The following CDH1 variants were observed in gnomAD, a reference collection of about 807,000 sequenced individuals.
CDH1 encodes cadherin-1.
Under a neutral mutation model 84.5 loss-of-function variants are expected in CDH1, and 35 were observed. The observed-to-expected ratio is 0.41, with a 90% CI of 0.32 to 0.55. The LOEUF is 0.55. Among genes scored for constraint, CDH1 ranks in the 20% least tolerant of loss-of-function variants. The probability of loss-of-function intolerance (pLI) is 0.19; values close to 1 mark genes in which losing one functional copy is unlikely to be tolerated. For missense variants in CDH1, 994 were observed against 1,126.6 expected (o/e 0.88, Z 1.68); for synonymous variants, 417 against 439.0 (o/e 0.95, Z 0.63).
chr16:68,827,348 A>G (rs994884911), intron 13 of CDH1, among the ~76,000 whole-genome samples: 12 of 146,668 alleles, frequency 8.2e-5, no homozygotes, highest in South Asian at 2.1e-4. Context: ...GCACCCATGG[A>G]TAGAAAACAC....
At chr16:68,829,362 T>G (rs1961415010) in intron 14 of CDH1, among the ~76,000 whole-genome samples, 1 of 151,798 alleles carries the variant, frequency 6.6e-6, no homozygotes. Context: ...TGGGAGGGAG[T>G]GAATATTTGC....
In CDH1 at chr16:68,829,690, G is replaced by A. The variant is rs777078601; in HGVS notation, c.2332G>A (p.Ala778Thr). 4.3e-6 allele frequency: 7 copies of A among 1,613,942 alleles called. No homozygotes were observed. Among genetic ancestry groups the A allele is most frequent in the East Asian group, 4.5e-5 (2 of 44,882 alleles). Residue 778 changes from alanine to threonine, a missense_variant, in exon 15 of 16, where the codon GCT becomes ACT. By Grantham distance (58) the Ala-to-Thr change is moderately conservative (BLOSUM62 0). Coordinates refer to ENST00000261769, the MANE Select transcript of CDH1 (RefSeq NM_004360.5). The part of the protein sequence containing the change: ...DLSQLHRGLD[A>T]RPEVTRNDVA... ...GAGCCAGCTGCACAGGGGCCTGGAC[G>A]CTCGGCCTGAAGTGACTCGTAACGA...
chr16:68,810,083 T>C, intron 5 of CDH1, 114 bp from the exon 6 acceptor site: 1 of 1,082,388 alleles, frequency 9.2e-7, no homozygotes. Context: ...ACTGGGGGTC[T>C]CAGAGCCTAG....
At chr16:68,785,747 T>TA (rs1159731661) in intron 2 of CDH1, among the ~76,000 whole-genome samples, 4 of 152,186 alleles carry the variant, frequency 2.6e-5, no homozygotes, top group Non-Finnish European at 4.4e-5. Context: ...AGCTTTTTTT[T>TA]TTTTAATAGG....
chr16:68,789,080 GT>G (rs2068564580), intron 2 of CDH1, among the ~76,000 whole-genome samples: 2 of 152,162 alleles, frequency 1.3e-5, no homozygotes, highest in Admixed American at 1.3e-4. Flanking sequence ...CTGGAGTGCA[GT>G]GGCCCGAACA....
intron 2 of CDH1, among the ~76,000 whole-genome samples, chr16:68,787,279 G>A (rs1277163659): frequency 3.9e-5 from 6 of 152,188 alleles, no homozygotes; most frequent in Admixed American, 3.9e-4. Flanking sequence ...TGGGGCGAAT[G>A]TTCCTTCAGA....
At chr16:68,751,319 C>A (rs376321730) in intron 2 of CDH1, among the ~76,000 whole-genome samples, 3 of 152,136 alleles carry the variant, frequency 2.0e-5, no homozygotes, top group African/African-American at 4.8e-5. Flanking sequence ...TGCCCAACAA[C>A]TTTGTTTCCT....
rs1354393862 is a variant in CDH1 at position 68,737,322 on chromosome 16, G to T, written c.-94G>T. ...CGTCGGAACTGCAAAGCACCTGTGA[G>T]CTTGCGGAAGTCAGTTCAGACTCCA... On this transcript the variant is annotated 5_prime_UTR_variant, in exon 1 of 16. Coordinates refer to ENST00000261769, the MANE Select transcript of CDH1 (RefSeq NM_004360.5). The T allele has an allele frequency of 1.9e-6, 2 of 1,065,044 alleles. No homozygotes were observed. The highest frequency in any genetic ancestry group is 2.3e-5 in the Admixed American group (1 of 44,022). The allele number at this position is 1,065,044 out of a possible 1,614,324, so 66.0% of individuals were successfully genotyped here.
intron 2 of CDH1, among the ~76,000 whole-genome samples, chr16:68,769,979 CTTTTTT>C (rs34018552): frequency 8.0e-6 from 1 of 125,240 alleles, no homozygotes; most frequent in Non-Finnish European, 1.7e-5. Context: ...CCGCAGCTGG[CTTTTTT>C]TTTTTTTTTT....
intron 2 of CDH1, among the ~76,000 whole-genome samples, chr16:68,770,050 G>T (rs377261189): frequency 3.3e-4 from 50 of 151,172 alleles, no homozygotes; most frequent in African/African-American, 1.2e-3. Flanking sequence ...TTGTTTTCAG[G>T]TCCAAGTCTA....
intron 14 of CDH1, 52 bp from the exon 15 acceptor site, chr16:68,829,602 A>G (rs2276327): frequency 2.5e-6 from 4 of 1,571,516 alleles, no homozygotes; most frequent in African/African-American, 1.4e-5. Flanking sequence ...CCCTGTGTGT[A>G]TGACTATTTC....
At chr16:68,794,978 C>T (rs1201664402) in intron 2 of CDH1, among the ~76,000 whole-genome samples, 1 of 152,098 alleles carries the variant, frequency 6.6e-6, no homozygotes, top group Non-Finnish European at 1.5e-5. Context: ...AGGCGTGAGC[C>T]ACCGCACCTG....
At chr16:68,769,932 C>T (rs1959509431) in intron 2 of CDH1, among the ~76,000 whole-genome samples, 1 of 150,498 alleles carries the variant, frequency 6.6e-6, no homozygotes, top group South Asian at 2.1e-4. Context: ...CTGCCCACCT[C>T]GGCCTCCCAA....
intron 2 of CDH1, among the ~76,000 whole-genome samples, chr16:68,766,173 C>A (rs924920204): frequency 1.3e-5 from 2 of 152,232 alleles, no homozygotes; most frequent in Admixed American, 6.5e-5. Flanking sequence ...GCAGGAGAAT[C>A]GCTTGAACCC....
chr16:68,832,964 AG>A lies in CDH1; in HGVS notation c.2440-325del, dbSNP rs61208884. The stretch of plus-strand genomic sequence containing the variant: ...GCAGCCTGCATGCACCAGTATGCAA[AG>A]CTTCCAGCTCTGCCCATCCCAGCTG... On this transcript the variant is annotated intron_variant, in intron 15 of 15. Transcript: ENST00000261769. 0.096 allele frequency among the ~76,000 whole-genome samples: 14,611 copies of A among 152,220 alleles called. 800 individuals are homozygous for A. The highest frequency in any genetic ancestry group is 0.13 in the Non-Finnish European group (8,704 of 67,994).
chr16:68,787,125 T>G, intron 2 of CDH1, among the ~76,000 whole-genome samples: 1 of 152,186 alleles, frequency 6.6e-6, no homozygotes, highest in East Asian at 1.9e-4. Flanking sequence ...GATTGATGCG[T>G]GTTTATATCT....
intron 2 of CDH1, among the ~76,000 whole-genome samples, chr16:68,759,440 A>G (rs1478633335): frequency 2.0e-5 from 3 of 150,038 alleles, no homozygotes; most frequent in Non-Finnish European, 4.4e-5. Context: ...TAATCCTTGC[A>G]TCAACTTTAG....
At chr16:68,789,326 C>T (rs1479503528) in intron 2 of CDH1, among the ~76,000 whole-genome samples, 1 of 152,086 alleles carries the variant, frequency 6.6e-6, no homozygotes, top group Non-Finnish European at 1.5e-5. Flanking sequence ...GCCACCGCAC[C>T]TGGCCAGGTG....
intron 10 of CDH1, 129 bp from the exon 11 acceptor site, chr16:68,819,151 C>T (rs769003882): frequency 1.8e-5 from 19 of 1,030,588 alleles, no homozygotes; most frequent in South Asian, 2.7e-5. Flanking sequence ...CCACCGCGAC[C>T]GGCCTATTGT....
Sources: gnomAD v4.1 joint callset for allele counts (sites outside exome capture counted in the v4.1 genomes callset) on GRCh38, gnomAD v4.1.1 for gene constraint, MANE v1.5 for transcripts, NCBI Gene and HGNC (gene_info 2026-07-23, HGNC 2026-07-21) for gene names.